WWTR1: variants seen among roughly 807,000 people sequenced by gnomAD.
WWTR1 encodes WW domain containing transcription regulator 1.
WWTR1 carries 13 observed loss-of-function variants against 40.1 expected under a neutral mutation model. The observed-to-expected ratio is 0.32, with a 90% CI of 0.21 to 0.52. The LOEUF (loss-of-function observed/expected upper bound fraction) is 0.52, where lower values mean the gene tolerates loss of function less well. Among genes scored for constraint, WWTR1 ranks in the 20% least tolerant of loss-of-function variants. The probability of loss-of-function intolerance (pLI) is 0.97; values close to 1 mark genes in which losing one functional copy is unlikely to be tolerated. For synonymous variants in WWTR1, 230 were observed against 210.1 expected, an observed-to-expected ratio of 1.09 and a Z score of -0.82; for missense variants, 436 against 523.1, an observed-to-expected ratio of 0.83 and a Z score of 1.63.
At chr3:149,632,893 T>C (rs1711612465) in intron 2 of WWTR1, among the ~76,000 whole-genome samples, 1 of 152,192 alleles carries the variant, frequency 6.6e-6, no homozygotes, top group Non-Finnish European at 1.5e-5. Flanking sequence ...TTCTTAAGAC[T>C]GGTGAAGATG....
At chr3:149,614,512 C>T in intron 2 of WWTR1, among the ~76,000 whole-genome samples, 1 of 152,284 alleles carries the variant, frequency 6.6e-6, no homozygotes, top group Non-Finnish European at 1.5e-5. Context: ...AACATACCCA[C>T]ATCAAGCAGT....
chr3:149,583,824 A>C (rs1223144760), intron 2 of WWTR1, among the ~76,000 whole-genome samples: 1 of 152,212 alleles, frequency 6.6e-6, no homozygotes, highest in Non-Finnish European at 1.5e-5. Flanking sequence ...AGAAGGTGGC[A>C]GTGAAACAAC....
At chr3:149,551,012 A>G (rs1255017521) in intron 3 of WWTR1, among the ~76,000 whole-genome samples, 1 of 144,702 alleles carries the variant, frequency 6.9e-6, no homozygotes, top group Non-Finnish European at 1.5e-5. Context: ...AGAGTAGAAC[A>G]GGTAAAGCCG....
At chr3:149,580,417 G>A (rs761285570) in intron 2 of WWTR1, among the ~76,000 whole-genome samples, 1 of 152,092 alleles carries the variant, frequency 6.6e-6, no homozygotes, top group Non-Finnish European at 1.5e-5. Context: ...AATGGGAGCT[G>A]AGCACAGTGG....
chr3:149,662,831 C>T (rs1385587656), upstream of WWTR1, among the ~76,000 whole-genome samples: 1 of 152,216 alleles, frequency 6.6e-6, no homozygotes, highest in Non-Finnish European at 1.5e-5. Context: ...CTTTCTCCCA[C>T]TTCAGCCAGG....
At chr3:149,542,706 C>T (rs982958681) in intron 3 of WWTR1, among the ~76,000 whole-genome samples, 169 bp from the exon 4 acceptor site, 13 of 152,182 alleles carry the variant, frequency 8.5e-5, no homozygotes, top group African/African-American at 2.7e-4. Context: ...ATTCAATTCA[C>T]GGAGGCTCGA....
chr3:149,525,188 G>A (rs925724059), intron 6 of WWTR1, among the ~76,000 whole-genome samples: 1 of 152,158 alleles, frequency 6.6e-6, no homozygotes, highest in African/African-American at 2.4e-5. Flanking sequence ...GTTGGAACTT[G>A]GAAGTGACAA....
At chr3:149,682,403 T>C (rs531296721) in intron 1 of WWTR1, among the ~76,000 whole-genome samples, 41 of 152,194 alleles carry the variant, frequency 2.7e-4, no homozygotes, top group Admixed American at 2.1e-3. Flanking sequence ...TTGAGGTCTT[T>C]TGACTTTAAA....
At chr3:149,669,802 G>A (rs1256698400) in exon 2 of WWTR1, 2 of 152,200 alleles carry the variant, frequency 1.3e-5, no homozygotes, top group African/African-American at 4.8e-5. Flanking sequence ...AAAATCACTA[G>A]TAAGCGTGGC....
chr3:149,536,482 A>G (rs796790272), intron 4 of WWTR1, among the ~76,000 whole-genome samples: 2,638 of 148,328 alleles, frequency 0.018, 76 homozygotes, highest in African/African-American at 0.06. Context: ...AAAAAAAAAA[A>G]GGGGGGGGCC....
intron 3 of WWTR1, among the ~76,000 whole-genome samples, chr3:149,554,337 T>C (rs1007480191): frequency 2.0e-5 from 3 of 152,178 alleles, no homozygotes; most frequent in Non-Finnish European, 2.9e-5. Context: ...GTCCTCCAGA[T>C]GCCCCAAGCC....
chr3:149,630,453 A>G (rs949846142), intron 2 of WWTR1, among the ~76,000 whole-genome samples: 1 of 152,174 alleles, frequency 6.6e-6, no homozygotes, highest in African/African-American at 2.4e-5. Flanking sequence ...CCACTCTCCT[A>G]GCTGGCCACC....
intron 3 of WWTR1, among the ~76,000 whole-genome samples, chr3:149,558,219 T>G (rs534793564): frequency 6.6e-6 from 1 of 152,168 alleles, no homozygotes; most frequent in Admixed American, 6.5e-5. Context: ...TTTGTGGTCT[T>G]GAGTCACACT....
intron 1 of WWTR1, among the ~76,000 whole-genome samples, chr3:149,695,426 T>A (rs1395748261): frequency 1.3e-5 from 2 of 152,124 alleles, no homozygotes; most frequent in Non-Finnish European, 2.9e-5. Flanking sequence ...ACTTCATAAA[T>A]ATATGTACCT....
At chr3:149,678,822 ATTT>A (rs57101843) in intron 1 of WWTR1, among the ~76,000 whole-genome samples, 7,447 of 135,450 alleles carry the variant, frequency 0.055, 248 homozygotes, top group Non-Finnish European at 0.084. Flanking sequence ...GTTCACAAGT[ATTT>A]TTTTTTTTTT....
In WWTR1 at chr3:149,724,650, TATGTTAA is replaced by T. The variant is rs1715832359; in HGVS notation, n.323+45_323+51del. On this transcript the variant is annotated intron_variant and non_coding_transcript_variant, in intron 3 of 6. Coordinates refer to the WWTR1 transcript ENST00000474080. The stretch of plus-strand genomic sequence containing the variant: ...ACACCTTGAAACCTTCCAAAGACCC[TATGTTAA>T]GAACCCCTTCTAAAAGGTAGATTCT... 2.0e-5 allele frequency: 3 copies of T among 152,190 alleles called. No homozygotes were observed. The South Asian group carries it at 6.2e-4, about 32-fold the overall frequency. The allele number at this position is 152,190 out of a possible 1,614,324, so 9.4% of individuals were successfully genotyped here. A position where few individuals can be genotyped will look rare whatever the true frequency, so the allele number is the denominator to read the frequency against.
At chr3:149,563,142 A>G (rs1360324917) in intron 3 of WWTR1, among the ~76,000 whole-genome samples, 2 of 152,196 alleles carry the variant, frequency 1.3e-5, no homozygotes, top group African/African-American at 4.8e-5. Flanking sequence ...AAAACTCTCA[A>G]CAGAGGTCTA....
At chr3:149,535,276 A>G (rs1735775141) in intron 4 of WWTR1, among the ~76,000 whole-genome samples, 2 of 152,100 alleles carry the variant, frequency 1.3e-5, no homozygotes, top group South Asian at 4.1e-4. Context: ...ACATTAAAAT[A>G]GTTATTCTGG....
At position 149,622,160 on chromosome 3, in the gene WWTR1, TA is replaced by T. The variant is rs1740309557; in HGVS notation, c.431+34715del. ...CTCAAAATCAGCAAGAGGCTTGTTT[TA>T]ACCCAGACTTATGAGTTGTTTCTCT... On this transcript the variant is annotated intron_variant, in intron 2 of 6. Transcript: ENST00000360632. 2.0e-5 allele frequency among the ~76,000 whole-genome samples: 3 copies of T among 152,198 alleles called. No individual in the cohort carries two copies. The South Asian group carries it at 6.2e-4, about 32-fold the overall frequency.
Sources: gnomAD v4.1 joint callset for allele counts (sites outside exome capture counted in the v4.1 genomes callset) on GRCh38, gnomAD v4.1.1 for gene constraint, MANE v1.5 for transcripts, NCBI Gene and HGNC (gene_info 2026-07-23, HGNC 2026-07-21) for gene names.